The following LSG1 variants were observed in gnomAD, a reference collection of about 807,000 sequenced individuals.
The protein encoded by LSG1 is large 60S subunit nuclear export GTPase 1.
LSG1 carries 55 observed loss-of-function variants against 82.6 expected under a neutral mutation model. The ratio of observed to expected loss-of-function variants is 0.67; its 90% CI spans 0.54 to 0.83. The LOEUF is 0.83. Among genes scored for constraint, LSG1 ranks in the 40% least tolerant of loss-of-function variants. The pLI is 0.00. For missense variants in LSG1, 809 were observed against 807.9 expected, an observed-to-expected ratio of 1.00 and a Z score of -0.02; for synonymous variants, 272 against 282.5, an observed-to-expected ratio of 0.96 and a Z score of 0.37.
At chr3:194,664,932 T>C (rs1228291710) in intron 5 of LSG1, among the ~76,000 whole-genome samples, 1 of 30,374 alleles carries the variant, frequency 3.3e-5, no homozygotes, top group African/African-American at 8.5e-5. Flanking sequence ...AATAAATAAA[T>C]AAATAAATAA....
chr3:194,656,543 G>A (rs1718793979), intron 7 of LSG1, among the ~76,000 whole-genome samples: 1 of 152,116 alleles, frequency 6.6e-6, no homozygotes, highest in Non-Finnish European at 1.5e-5. Context: ...CTTTTACACT[G>A]TTGGTGGGAC....
At position 194,649,905 on chromosome 3, in the gene LSG1, GT is replaced by G. The variant is rs200467137; in HGVS notation, c.1419+975del. 5.4e-5 allele frequency among the ~76,000 whole-genome samples: 8 copies of G among 148,766 alleles called. No homozygotes were observed. In the East Asian group the frequency reaches 7.9e-4, roughly 15 times the overall value. The stretch of plus-strand genomic sequence containing the variant: ...GTAGAGTAAAATCTCAGACCTTGCA[GT>G]TTTTTTTTTCTTTCATTTTCTTTTT... On this transcript the variant is annotated intron_variant, in intron 10 of 13. Coordinates refer to ENST00000265245, the MANE Select transcript of LSG1 (RefSeq NM_018385.3).
chr3:194,668,629 G>C (rs907433599), intron 2 of LSG1, among the ~76,000 whole-genome samples: 1 of 152,014 alleles, frequency 6.6e-6, no homozygotes, highest in African/African-American at 2.4e-5. Flanking sequence ...CTGTATTTCA[G>C]TTCTGGCCTA....
intron 7 of LSG1, among the ~76,000 whole-genome samples, chr3:194,656,389 G>A (rs1364600265): frequency 2.0e-5 from 3 of 152,108 alleles, no homozygotes; most frequent in Non-Finnish European, 4.4e-5. Context: ...CAAAAAACAT[G>A]TGAAAAAATG....
intron 7 of LSG1, among the ~76,000 whole-genome samples, chr3:194,657,935 G>A (rs1422429219): frequency 6.6e-6 from 1 of 152,098 alleles, no homozygotes; most frequent in East Asian, 1.9e-4. Context: ...GGGAAGTGGA[G>A]GAAGAAACTC....
At chr3:194,644,427 G>T (rs1010994239) in intron 13 of LSG1, 146 bp downstream of exon 13, 1 of 286,508 alleles carries the variant, frequency 3.5e-6, no homozygotes, top group Non-Finnish European at 6.3e-6. Flanking sequence ...AATAAATAAG[G>T]TTTCTTTTGG....
At chr3:194,663,854 C>T (rs1050359349) in intron 5 of LSG1, among the ~76,000 whole-genome samples, 4 of 152,134 alleles carry the variant, frequency 2.6e-5, no homozygotes, top group Admixed American at 6.5e-5. Flanking sequence ...CTGACCTCCC[C>T]GCATCCCAGC....
At chr3:194,661,899 C>T (rs1039606492) in intron 5 of LSG1, among the ~76,000 whole-genome samples, 1 of 152,166 alleles carries the variant, frequency 6.6e-6, no homozygotes, top group East Asian at 1.9e-4. Context: ...TCAACATGTA[C>T]AGGCTCACTT....
intron 12 of LSG1, chr3:194,645,241 G>C (rs1250253444): frequency 6.6e-6 from 1 of 152,312 alleles, no homozygotes; most frequent in Non-Finnish European, 1.5e-5. Context: ...ATCCTCCACA[G>C]TAAGTGGTAA....
chr3:194,660,410 T>C (rs1446390220), intron 5 of LSG1, among the ~76,000 whole-genome samples: 1 of 152,166 alleles, frequency 6.6e-6, no homozygotes, highest in Non-Finnish European at 1.5e-5. Flanking sequence ...TAACATGCTA[T>C]TGCTCTCATA....
chr3:194,641,803 A>T lies in LSG1; in HGVS notation c.*265T>A, dbSNP rs908150422. 5 of 305,486 alleles carry T rather than the reference A, an allele frequency of 1.6e-5. No individual in the cohort carries two copies. Among genetic ancestry groups the T allele is most frequent in the Middle Eastern group, 1.8e-3 (2 of 1,108 alleles). 18.9% of individuals were successfully genotyped at this position (305,486 alleles called of 1,614,324 possible). A position where few individuals can be genotyped will look rare whatever the true frequency, so the allele number is the denominator to read the frequency against. ...TAATTTTTTTGTATTTTTAGTAGAG[A>T]CGGGGTTTCTCCATGTTGGTGCGTG... On this transcript the variant is annotated 3_prime_UTR_variant, in exon 14 of 14. Coordinates refer to ENST00000265245, the MANE Select transcript of LSG1 (RefSeq NM_018385.3).
In LSG1 at chr3:194,646,223, C is replaced by T. The variant is rs1718549877; in HGVS notation, c.1564G>A (p.Ala522Thr). The T allele has an allele frequency of 1.9e-6, 3 of 1,614,002 alleles. No individual in the cohort carries two copies. Among genetic ancestry groups the T allele is most frequent in the East Asian group, 4.5e-5 (2 of 44,874 alleles). Residue 522 changes from alanine to threonine, a missense_variant, in exon 12 of 14, where the codon GCG (alanine) becomes ACG (threonine). Coordinates refer to ENST00000265245, the MANE Select transcript of LSG1 (RefSeq NM_018385.3). ...AYGYMRGFMT[A>T]HGQPDQPRSA... ...CGAGGCTGGTCTGGCTGTCCATGCGCTGTCATGAATCCTCGCATGTCTGTG... is the reference window on the plus strand; with the variant it reads ...CGAGGCTGGTCTGGCTGTCCATGCGTTGTCATGAATCCTCGCATGTCTGTG...
chr3:194,652,640 C>G (rs1233738377), intron 8 of LSG1, 89 bp downstream of exon 8: 4 of 1,412,286 alleles, frequency 2.8e-6, no homozygotes, highest in Non-Finnish European at 3.9e-6. Context: ...TGCCGGAAGC[C>G]TGGTTGGTCT....
chr3:194,647,836 A>C (rs1472577617), intron 11 of LSG1, among the ~76,000 whole-genome samples: 8 of 152,140 alleles, frequency 5.3e-5, no homozygotes. Flanking sequence ...CTAGGAGGTG[A>C]GGTGATCTTT....
chr3:194,658,214 C>T (rs965935696), intron 7 of LSG1, among the ~76,000 whole-genome samples: 1 of 152,140 alleles, frequency 6.6e-6, no homozygotes, highest in African/African-American at 2.4e-5. Context: ...CTGGCATGAT[C>T]TCGGTTCACT....
chr3:194,644,706 G>T lies in LSG1; in HGVS notation c.1664C>A (p.Pro555His). The change falls in exon 13 of 14, where the codon CCT becomes CAT. Residue 555 changes from proline (P) to histidine (H), a missense_variant. Transcript: ENST00000265245. ...CTGGTGTTGATGCTGAAAAGTTACA[G>T]GATCTCTTCCAGGAGGAGGATGGCA... is the stretch of plus-strand genomic sequence containing the variant. ...LYCHPPPGRDPVTFQHQHQRL... is the reference protein window; with the variant it reads ...LYCHPPPGRDHVTFQHQHQRL... The T allele has an allele frequency of 1.2e-6, 2 of 1,608,522 alleles. No individual in the cohort carries two copies. Among genetic ancestry groups the T allele is most frequent in the Non-Finnish European group, 1.7e-6 (2 of 1,176,892 alleles).
intron 11 of LSG1, among the ~76,000 whole-genome samples, chr3:194,648,044 A>C (rs1428003510): frequency 6.8e-6 from 1 of 146,746 alleles, no homozygotes; most frequent in Non-Finnish European, 1.5e-5. Flanking sequence ...AAGGCAAGTC[A>C]CCCACGCACG....
At chr3:194,646,640 C>G (rs113732948) in intron 11 of LSG1, among the ~76,000 whole-genome samples, 4 of 152,210 alleles carry the variant, frequency 2.6e-5, no homozygotes, top group African/African-American at 9.7e-5. Flanking sequence ...GATGCCTCAG[C>G]CTCCCAAGTA....
At position 194,641,944 on chromosome 3, in the gene LSG1, G is replaced by C. The variant is rs568579369; in HGVS notation, c.*124C>G. 9 of 1,012,472 alleles carry C rather than the reference G, an allele frequency of 8.9e-6. No homozygotes were observed. Among genetic ancestry groups the C allele is most frequent in the South Asian group, 1.7e-5 (1 of 60,352 alleles). 62.7% of individuals were successfully genotyped at this position (1,012,472 alleles called of 1,614,324 possible). On this transcript the variant is annotated 3_prime_UTR_variant, in exon 14 of 14. Coordinates refer to ENST00000265245, the MANE Select transcript of LSG1 (RefSeq NM_018385.3). Reference sequence around the variant, plus strand: ...GACATGGAGACTGTTGGGTGCAGCCGTGCTCTGCAAGAGCAGGGCCCGTTC... The same window carrying C: ...GACATGGAGACTGTTGGGTGCAGCCCTGCTCTGCAAGAGCAGGGCCCGTTC...
Sources: allele counts gnomAD v4.1 joint callset (sites outside exome capture counted in the v4.1 genomes callset), GRCh38; gene constraint gnomAD v4.1.1; transcripts MANE v1.5; gene names NCBI Gene and HGNC (gene_info 2026-07-23, HGNC 2026-07-21).